GNPAT: variants seen among roughly 807,000 people sequenced by gnomAD.
GNPAT encodes glyceronephosphate O-acyltransferase.
Under a neutral mutation model 78.4 loss-of-function variants are expected in GNPAT, and 30 were observed. The ratio of observed to expected loss-of-function variants is 0.38; its 90% CI spans 0.29 to 0.52. GNPAT has a LOEUF of 0.52. Among genes scored for constraint, GNPAT ranks in the 20% least tolerant of loss-of-function variants. The pLI is 0.84. For synonymous variants in GNPAT, 271 were observed against 281.1 expected, an observed-to-expected ratio of 0.96 and a Z score of 0.36; for missense variants, 714 against 812.2, an observed-to-expected ratio of 0.88 and a Z score of 1.47.
rs573668622 is a variant in GNPAT, at chr1:231,257,516, A to C, written c.262-2991A>C. ...TCTTCTTCAGGATCATCTTACCTTG[A>C]CTTCTGTGACATCTGGTTTTATTCT... On this transcript the variant is annotated intron_variant, in intron 2 of 15. Coordinates refer to ENST00000366647, the MANE Select transcript of GNPAT (RefSeq NM_014236.4). 2.6e-5 allele frequency among the ~76,000 whole-genome samples: 4 copies of C among 152,042 alleles called. No homozygotes were observed. In the South Asian group the frequency reaches 8.3e-4, roughly 32 times the overall value.
At chr1:231,256,781 C>T (rs900625927) in intron 2 of GNPAT, among the ~76,000 whole-genome samples, 4 of 152,170 alleles carry the variant, frequency 2.6e-5, no homozygotes, top group East Asian at 1.9e-4. Context: ...CCACTGCGCC[C>T]GGCCAATTTT....
chr1:231,268,592 T>C (rs920355196), intron 9 of GNPAT, among the ~76,000 whole-genome samples: 2 of 126,070 alleles, frequency 1.6e-5, no homozygotes, highest in African/African-American at 6.2e-5. Flanking sequence ...CTCAGTAACA[T>C]AGTGAGACCC....
At position 231,273,921 on chromosome 1, in the gene GNPAT, G is replaced by C; in HGVS notation, c.1603-1G>C. 3 of 1,612,250 alleles carry C rather than the reference G, an allele frequency of 1.9e-6. No homozygotes were observed. The highest frequency in any genetic ancestry group is 2.5e-6 in the Non-Finnish European group (3 of 1,178,476). ...CATTATGGCTTCCTCTTCCCTTCTA[G>C]GACTTTGAAGAAGGCTGTTACCTGC... On this transcript the variant is annotated splice_acceptor_variant, in intron 11 of 15. Coordinates refer to ENST00000366647, the MANE Select transcript of GNPAT (RefSeq NM_014236.4). LOFTEE classifies it high-confidence loss of function.
chr1:231,242,180 C>T (rs1054180738), intron 1 of GNPAT, among the ~76,000 whole-genome samples: 1 of 152,144 alleles, frequency 6.6e-6, no homozygotes, highest in Non-Finnish European at 1.5e-5. Context: ...GCTTTATAGC[C>T]TTCAGGATTG....
At chr1:231,248,236 A>G (rs542033310) in intron 1 of GNPAT, among the ~76,000 whole-genome samples, 1 of 152,358 alleles carries the variant, frequency 6.6e-6, no homozygotes, top group South Asian at 2.1e-4. Flanking sequence ...TGTATTATGT[A>G]CTGTATTCTT....
chr1:231,258,282 A>G (rs576700038), intron 2 of GNPAT: 3 of 152,378 alleles, frequency 2.0e-5, no homozygotes, highest in East Asian at 3.9e-4. Context: ...TCCTATAACC[A>G]GGTGTCTGGC....
In GNPAT at chr1:231,275,506, C is replaced by G. The variant is rs1417959679; in HGVS notation, c.1937+8C>G. 1 of 1,505,736 alleles carries G rather than the reference C, an allele frequency of 6.6e-7. No individual in the cohort carries two copies. The highest frequency in any genetic ancestry group is 2.3e-5 in the East Asian group (1 of 44,412). The allele number at this position is 1,505,736 out of a possible 1,614,324, so 93.3% of individuals were successfully genotyped here. On this transcript the variant is annotated splice_region_variant and intron_variant, in intron 14 of 15. Transcript: ENST00000366647. ...AGTGGAGAAGAAGAAGATGTAAGTACTGTACAAGATCCCATGAGTGCTCAA... is the reference window on the plus strand; with the variant it reads ...AGTGGAGAAGAAGAAGATGTAAGTAGTGTACAAGATCCCATGAGTGCTCAA...
intron 1 of GNPAT, among the ~76,000 whole-genome samples, chr1:231,243,943 C>G (rs946821843): frequency 1.3e-4 from 20 of 151,640 alleles, no homozygotes; most frequent in African/African-American, 2.7e-4. Context: ...GTGTCTCACT[C>G]TGTCACCCAG....
At chr1:231,247,109 T>C (rs1416251813) in intron 1 of GNPAT, among the ~76,000 whole-genome samples, 1 of 150,954 alleles carries the variant, frequency 6.6e-6, no homozygotes. Flanking sequence ...GAGCTTGCAG[T>C]GAGCTGAGAT....
In GNPAT at chr1:231,241,240, G is replaced by T; in HGVS notation, c.-139G>T. 1.4e-6 allele frequency: 2 copies of T among 1,471,114 alleles called. No homozygotes were observed. The highest frequency in any genetic ancestry group is 1.9e-6 in the Non-Finnish European group (2 of 1,052,686). The allele number at this position is 1,471,114 out of a possible 1,614,324, so 91.1% of individuals were successfully genotyped here. ...TCCTGGCTGAGATGGCGGCGCCCGG[G>T]ATCCTGTGTAGCGGCTGCAGAGGGT... On this transcript the variant is annotated 5_prime_UTR_variant, in exon 1 of 16. Transcript: ENST00000366647.
intron 2 of GNPAT, among the ~76,000 whole-genome samples, chr1:231,259,438 G>C (rs961416915): frequency 6.6e-6 from 1 of 151,870 alleles, no homozygotes; most frequent in African/African-American, 2.4e-5. Context: ...ACCTGAGGTC[G>C]GGAGTTCAAG....
chr1:231,246,616 G>C (rs1684757146), intron 1 of GNPAT, among the ~76,000 whole-genome samples: 1 of 152,206 alleles, frequency 6.6e-6, no homozygotes, highest in Non-Finnish European at 1.5e-5. Flanking sequence ...TTATGTTCCT[G>C]AGTGAGTAGC....
intron 2 of GNPAT, among the ~76,000 whole-genome samples, chr1:231,256,106 C>T (rs532797629): frequency 6.6e-6 from 1 of 152,128 alleles, no homozygotes; most frequent in Non-Finnish European, 1.5e-5. Context: ...ATTTTAAGTA[C>T]TTTCCTTATG....
intron 2 of GNPAT, among the ~76,000 whole-genome samples, chr1:231,254,252 T>G (rs987569218): frequency 6.6e-6 from 1 of 152,240 alleles, no homozygotes; most frequent in Non-Finnish European, 1.5e-5. Flanking sequence ...TAAGATAGAT[T>G]GGAATCGTAC....
Position 231,265,414 on chromosome 1 carries a change from G to A in GNPAT, c.690G>A (p.Met230Ile). Residue 230 changes from methionine (M) to isoleucine (I), a missense_variant, in exon 5 of 16, where the codon ATG becomes ATA. Coordinates refer to ENST00000366647, the MANE Select transcript of GNPAT (RefSeq NM_014236.4). ...WAVFSEYVKTMLRNGYAPVEF... is the reference protein window; with the variant it reads ...WAVFSEYVKTILRNGYAPVEF... ...TATTCTCTGAATATGTAAAAACTAT[G>A]TTACGGGTAAATGCAAATAATTCCC... 1.2e-6 allele frequency: 2 copies of A among 1,607,300 alleles called. No homozygotes were observed. Among genetic ancestry groups the A allele is most frequent in the Non-Finnish European group, 1.7e-6 (2 of 1,173,840 alleles).
chr1:231,258,024 T>C (rs1450150598), intron 2 of GNPAT, among the ~76,000 whole-genome samples: 4 of 152,186 alleles, frequency 2.6e-5, no homozygotes, highest in East Asian at 3.9e-4. Context: ...TTGAACTATT[T>C]CCATAGGTTT....
At chr1:231,264,842 G>A (rs997674704) in intron 4 of GNPAT, among the ~76,000 whole-genome samples, 6 of 152,204 alleles carry the variant, frequency 3.9e-5, no homozygotes, top group Admixed American at 3.9e-4. Flanking sequence ...TTGACATCAT[G>A]ACATTGTCAT....
Position 231,262,842 on chromosome 1 carries a change from A to G in GNPAT, c.558A>G (p.Ala186=), listed in dbSNP as rs772691665. ...YNYDLPVPVI[A]AGMDFLGMKM... ...ATGATTTGCCTGTGCCAGTTATAGC[A>G]GCAGGAATGGGTATGTATTGTTTTT... is the stretch of plus-strand genomic sequence containing the variant. Residue 186 remains alanine (A), a synonymous_variant, in exon 4 of 16, where the codon GCA becomes GCG. Transcript: ENST00000366647. The G allele has an allele frequency of 3.7e-6, 6 of 1,611,972 alleles. No homozygotes were observed. The highest frequency in any genetic ancestry group is 5.1e-6 in the Non-Finnish European group (6 of 1,178,216).
At chr1:231,268,043 C>T in intron 9 of GNPAT, 140 bp downstream of exon 9, 1 of 696,194 alleles carries the variant, frequency 1.4e-6, no homozygotes. Flanking sequence ...TGGTTCACAC[C>T]TGTAATCCCA....
Sources: allele counts gnomAD v4.1 joint callset (sites outside exome capture counted in the v4.1 genomes callset), GRCh38; gene constraint gnomAD v4.1.1; transcripts MANE v1.5; gene names NCBI Gene and HGNC (gene_info 2026-07-23, HGNC 2026-07-21).